Variants in CPQ observed in about 807,000 individuals in gnomAD.
The protein encoded by CPQ is Ser-Met dipeptidase.
In CPQ, 37 loss-of-function variants were observed where a neutral mutation model predicts 45.7. That is an observed-to-expected ratio of 0.81 (90% CI 0.62 to 1.07). The LOEUF is 1.07. Ranked by LOEUF, CPQ falls within the 50% of genes least tolerant of loss-of-function variation. The pLI is 0.00. For missense variants in CPQ, 537 were observed against 572.9 expected, an observed-to-expected ratio of 0.94 and a Z score of 0.64; for synonymous variants, 186 against 205.8, an observed-to-expected ratio of 0.90 and a Z score of 0.82.
At chr8:97,106,531 C>A (rs1212310197) in intron 7 of CPQ, among the ~76,000 whole-genome samples, 1 of 152,298 alleles carries the variant, frequency 6.6e-6, no homozygotes, top group East Asian at 1.9e-4. Context: ...AGCCACTGGC[C>A]ACATGTGGCT....
At chr8:96,715,725 C>G (rs1459795079) in intron 1 of CPQ, among the ~76,000 whole-genome samples, 2 of 152,182 alleles carry the variant, frequency 1.3e-5, no homozygotes. Flanking sequence ...TTCTGGGACT[C>G]AAGACCTGCC....
At chr8:96,709,285 A>G (rs1451182556) in intron 1 of CPQ, among the ~76,000 whole-genome samples, 1 of 151,980 alleles carries the variant, frequency 6.6e-6, no homozygotes, top group Non-Finnish European at 1.5e-5. Context: ...AATCCATTAT[A>G]CCAAGCTGTA....
chr8:96,859,187 T>G (rs1811895681), intron 3 of CPQ, among the ~76,000 whole-genome samples: 1 of 152,230 alleles, frequency 6.6e-6, no homozygotes, highest in African/African-American at 2.4e-5. Flanking sequence ...GCAATTTTGT[T>G]AAATTACTTT....
chr8:96,848,865 A>C (rs535882266), intron 3 of CPQ, among the ~76,000 whole-genome samples: 26 of 152,262 alleles, frequency 1.7e-4, no homozygotes, highest in African/African-American at 5.8e-4. Context: ...TGTATTTGTC[A>C]GCATTTTGTG....
chr8:96,864,374 C>T (rs1326939083), intron 3 of CPQ, among the ~76,000 whole-genome samples: 1 of 151,942 alleles, frequency 6.6e-6, no homozygotes, highest in Non-Finnish European at 1.5e-5. Flanking sequence ...TATGCATGGC[C>T]CCACCCAAAG....
chr8:96,960,011 A>G (rs554760273), intron 4 of CPQ, among the ~76,000 whole-genome samples: 2 of 152,148 alleles, frequency 1.3e-5, no homozygotes, highest in African/African-American at 2.4e-5. Context: ...TTTACTGACA[A>G]TTGACCAACA....
At chr8:96,673,572 T>C (rs1050495366) in intron 1 of CPQ, among the ~76,000 whole-genome samples, 1 of 152,158 alleles carries the variant, frequency 6.6e-6, no homozygotes, top group Admixed American at 6.5e-5. Flanking sequence ...TTACATGGGC[T>C]TGGAAAGTTG....
At position 96,999,431 on chromosome 8, in the gene CPQ, C is replaced by G. The variant is rs147491723; in HGVS notation, c.962-29972C>G. 8.6e-5 allele frequency among the ~76,000 whole-genome samples: 13 copies of G among 151,984 alleles called. No homozygotes were observed. In the East Asian group the frequency reaches 2.3e-3, roughly 27 times the overall value. On this transcript the variant is annotated intron_variant, in intron 5 of 7. Coordinates refer to ENST00000220763, the MANE Select transcript of CPQ (RefSeq NM_016134.4). ...AAAAGCCCTAGTGTATTTTGTTCCC[C>G]TCTACATGTTCATGTGTTCTCATCA...
chr8:97,024,986 C>T (rs879813183), intron 5 of CPQ, among the ~76,000 whole-genome samples: 3 of 152,166 alleles, frequency 2.0e-5, no homozygotes, highest in Non-Finnish European at 4.4e-5. Flanking sequence ...GGGTTGAAAC[C>T]GAATAGTAAA....
At chr8:96,888,418 A>G (rs2130887337) in intron 4 of CPQ, among the ~76,000 whole-genome samples, 1 of 152,158 alleles carries the variant, frequency 6.6e-6, no homozygotes, top group East Asian at 1.9e-4. Flanking sequence ...TTAAAAAAAT[A>G]CTGAAAGATG....
intron 5 of CPQ, among the ~76,000 whole-genome samples, chr8:97,027,194 T>C (rs192698369): frequency 1.3e-5 from 2 of 152,336 alleles, no homozygotes; most frequent in East Asian, 1.9e-4. Flanking sequence ...ATTGTTATCT[T>C]TGGCAATCCT....
At position 96,783,394 on chromosome 8, in the gene CPQ, G is replaced by A. The variant is rs370730704; in HGVS notation, c.-34-1470G>A. Among the ~76,000 whole-genome samples, 52 of 152,144 alleles carry A rather than the reference G, an allele frequency of 3.4e-4. No homozygotes were observed. The South Asian group carries it at 9.3e-3, about 27-fold the overall frequency. On this transcript the variant is annotated intron_variant, in intron 1 of 7. Coordinates refer to ENST00000220763, the MANE Select transcript of CPQ (RefSeq NM_016134.4). ...AAGAATGAGGGGCCACATCTGGTGA[G>A]GGTCTTCTTGCCACATCATAACATG...
intron 1 of CPQ, among the ~76,000 whole-genome samples, chr8:96,718,710 A>C (rs1253345187): frequency 2.6e-5 from 4 of 152,114 alleles, no homozygotes; most frequent in Non-Finnish European, 4.4e-5. Context: ...GGTAGAGCCG[A>C]GTGGTCTGTT....
intron 1 of CPQ, among the ~76,000 whole-genome samples, chr8:96,774,007 A>G (rs1003943596): frequency 2.5e-4 from 38 of 152,198 alleles, no homozygotes; most frequent in Non-Finnish European, 1.5e-5. Flanking sequence ...ATGATGGCTC[A>G]GACCTCTAAT....
chr8:97,130,484 C>T (rs1227404408), intron 7 of CPQ, among the ~76,000 whole-genome samples: 1 of 145,926 alleles, frequency 6.9e-6, no homozygotes. Flanking sequence ...ACCAGAGAAG[C>T]ATTTGATCAA....
At chr8:96,845,049 C>A (rs1045233128) in intron 3 of CPQ, among the ~76,000 whole-genome samples, 3 of 152,192 alleles carry the variant, frequency 2.0e-5, no homozygotes, top group Non-Finnish European at 4.4e-5. Context: ...CACTCACTGT[C>A]CCCTTTGTCT....
intron 6 of CPQ, among the ~76,000 whole-genome samples, chr8:97,041,191 G>T (rs1810117131): frequency 6.6e-6 from 1 of 151,774 alleles, no homozygotes; most frequent in African/African-American, 2.4e-5. Flanking sequence ...CCTTGAAGAG[G>T]TCCTTCACAT....
At chr8:96,922,030 T>C (rs927860082) in intron 4 of CPQ, among the ~76,000 whole-genome samples, 1 of 152,208 alleles carries the variant, frequency 6.6e-6, no homozygotes, top group African/African-American at 2.4e-5. Context: ...TACTTTAAGA[T>C]ATGGAGAATG....
rs370138252 is a variant in CPQ at position 96,785,684 on chromosome 8, A to AC, written c.433+354_433+355insC. On this transcript the variant is annotated intron_variant, in intron 2 of 7. Coordinates refer to ENST00000220763, the MANE Select transcript of CPQ (RefSeq NM_016134.4). ...ACGATGACTTCTTCCAAGTGGCCTC[A>AC]GTGTGAATAATTTTTTAGAATTAAT... 2.8e-3 allele frequency among the ~76,000 whole-genome samples: 431 copies of AC among 152,324 alleles called. 3 individuals carry two copies. Among genetic ancestry groups the AC allele is most frequent in the African/African-American group, 9.9e-3 (413 of 41,584 alleles).
Sources: allele counts gnomAD v4.1 joint callset (sites outside exome capture counted in the v4.1 genomes callset), GRCh38; gene constraint gnomAD v4.1.1; transcripts MANE v1.5; gene names NCBI Gene and HGNC (gene_info 2026-07-23, HGNC 2026-07-21).